The following RALGPS1 variants were observed in gnomAD, a reference collection of about 807,000 sequenced individuals.
RALGPS1 encodes Ral GEF with PH domain and SH3 binding motif 1.
RALGPS1 carries 19 observed loss-of-function variants against 78.8 expected under a neutral mutation model. That is an observed-to-expected ratio of 0.24 (90% CI 0.17 to 0.35). RALGPS1 has a LOEUF of 0.35. RALGPS1 is among the 10% of genes least tolerant of loss of function. The probability of loss-of-function intolerance (pLI) is 1.00; values close to 1 mark genes in which losing one functional copy is unlikely to be tolerated. For missense variants in RALGPS1, 454 were observed against 688.3 expected (o/e 0.66, Z 3.81); for synonymous variants, 228 against 256.3 (o/e 0.89, Z 1.06).
At chr9:126,931,161 C>T (rs2035754208) in intron 1 of RALGPS1, among the ~76,000 whole-genome samples, 1 of 152,166 alleles carries the variant, frequency 6.6e-6, no homozygotes, top group Non-Finnish European at 1.5e-5. Flanking sequence ...CCTTTGAGGG[C>T]TACTGTCCAG....
intron 4 of RALGPS1, among the ~76,000 whole-genome samples, chr9:127,006,022 A>G (rs946402709): frequency 2.0e-5 from 3 of 152,212 alleles, no homozygotes; most frequent in Non-Finnish European, 4.4e-5. Flanking sequence ...TCTTCATGCT[A>G]AAAACACTCA....
At chr9:126,976,331 A>T (rs1426325367) in intron 3 of RALGPS1, among the ~76,000 whole-genome samples, 6 of 149,682 alleles carry the variant, frequency 4.0e-5, no homozygotes, top group South Asian at 2.1e-4. Context: ...ACACACACAC[A>T]CTTTCATATA....
intron 8 of RALGPS1, among the ~76,000 whole-genome samples, chr9:127,125,112 C>G (rs1461176411): frequency 6.6e-6 from 1 of 152,168 alleles, no homozygotes; most frequent in African/African-American, 2.4e-5. Context: ...CTTTCCTCAT[C>G]TGTAAAATGG....
At chr9:127,086,407 G>A (rs1469576365) in intron 8 of RALGPS1, among the ~76,000 whole-genome samples, 1 of 151,884 alleles carries the variant, frequency 6.6e-6, no homozygotes, top group Non-Finnish European at 1.5e-5. Context: ...TTTCATCTCT[G>A]CCAATCTGAC....
chr9:126,951,994 A>T (rs896334944), intron 1 of RALGPS1, among the ~76,000 whole-genome samples: 1 of 152,282 alleles, frequency 6.6e-6, no homozygotes, highest in African/African-American at 2.4e-5. Context: ...AAATCTGTGT[A>T]CAAAAATCAC....
At chr9:127,006,358 G>T (rs2043841359) in intron 4 of RALGPS1, among the ~76,000 whole-genome samples, 1 of 152,168 alleles carries the variant, frequency 6.6e-6, no homozygotes, top group African/African-American at 2.4e-5. Context: ...CTTGGAGAAT[G>T]GTGGCGTTCT....
At chr9:127,048,826 A>C (rs540910129) in intron 5 of RALGPS1, among the ~76,000 whole-genome samples, 1 of 152,338 alleles carries the variant, frequency 6.6e-6, no homozygotes, top group South Asian at 2.1e-4. Flanking sequence ...ATTGTGGGCA[A>C]TTCCTTGGAA....
chr9:127,162,785 C>T (rs1051472700), intron 8 of RALGPS1, among the ~76,000 whole-genome samples: 5 of 152,196 alleles, frequency 3.3e-5, no homozygotes, highest in African/African-American at 1.2e-4. Flanking sequence ...GGCACCTGTT[C>T]TCACAGGGCA....
intron 7 of RALGPS1, among the ~76,000 whole-genome samples, chr9:127,066,806 A>G (rs1417954443): frequency 6.6e-6 from 1 of 152,020 alleles, no homozygotes; most frequent in Non-Finnish European, 1.5e-5. Flanking sequence ...CCCATAATTC[A>G]TTTATAATAA....
intron 1 of RALGPS1, among the ~76,000 whole-genome samples, chr9:126,932,116 A>G (rs1248237795): frequency 2.0e-5 from 3 of 152,094 alleles, no homozygotes; most frequent in African/African-American, 7.2e-5. Context: ...GCCTCTTCCA[A>G]CTCACATTGG....
chr9:127,013,045 C>G (rs1261125204), intron 4 of RALGPS1, among the ~76,000 whole-genome samples: 4 of 152,166 alleles, frequency 2.6e-5, no homozygotes, highest in Non-Finnish European at 5.9e-5. Flanking sequence ...ACAAAGCATC[C>G]TGGTGGAGCT....
intron 1 of RALGPS1, among the ~76,000 whole-genome samples, chr9:126,940,692 G>A (rs2131418443): frequency 6.6e-6 from 1 of 152,014 alleles, no homozygotes; most frequent in East Asian, 1.9e-4. Context: ...CCGTCGAACA[G>A]GTATATTCTT....
At chr9:127,009,453 C>T (rs544924597) in intron 4 of RALGPS1, among the ~76,000 whole-genome samples, 2 of 152,338 alleles carry the variant, frequency 1.3e-5, no homozygotes, top group East Asian at 1.9e-4. Flanking sequence ...AACAGGGCCA[C>T]ATTTCCTTGA....
At chr9:126,972,082 A>G (rs932298102) in intron 3 of RALGPS1, among the ~76,000 whole-genome samples, 1 of 152,190 alleles carries the variant, frequency 6.6e-6, no homozygotes, top group Admixed American at 6.5e-5. Context: ...AAGCCTGGGA[A>G]AGGACATGTT....
chr9:127,083,977 C>T (rs1297678876), intron 8 of RALGPS1, among the ~76,000 whole-genome samples: 1 of 152,066 alleles, frequency 6.6e-6, no homozygotes, highest in Non-Finnish European at 1.5e-5. Flanking sequence ...GTGGCATGAT[C>T]TTGGCTCACT....
chr9:127,092,632 G>A (rs772641841), intron 8 of RALGPS1, among the ~76,000 whole-genome samples: 7 of 152,158 alleles, frequency 4.6e-5, no homozygotes, highest in African/African-American at 7.2e-5. Context: ...GAAGAACTAA[G>A]TGCTATCATT....
chr9:127,013,803 G>C lies in RALGPS1; in HGVS notation c.217-20628G>C, dbSNP rs75991431. ...CTTCTGGCCTCCCGACTCACTCTCT[G>C]ATTCACCTCCTCTGGCCTTCCCACA... On this transcript the variant is annotated intron_variant, in intron 4 of 18. Coordinates refer to ENST00000259351, the MANE Select transcript of RALGPS1 (RefSeq NM_014636.3). 4.6e-3 allele frequency among the ~76,000 whole-genome samples: 703 copies of C among 152,176 alleles called. 3 individuals carry two copies. Among genetic ancestry groups the C allele is most frequent in the African/African-American group, 0.016 (672 of 41,502 alleles).
intron 8 of RALGPS1, among the ~76,000 whole-genome samples, chr9:127,089,980 A>C (rs562824963): frequency 6.6e-6 from 1 of 152,340 alleles, no homozygotes; most frequent in African/African-American, 2.4e-5. Flanking sequence ...AGGGCCCAAC[A>C]GAGCAGGTGG....
At chr9:127,105,247 A>G (rs1339744524) in intron 8 of RALGPS1, among the ~76,000 whole-genome samples, 1 of 152,226 alleles carries the variant, frequency 6.6e-6, no homozygotes, top group Non-Finnish European at 1.5e-5. Flanking sequence ...AATGCATTCC[A>G]GTTATCTCTG....
Sources: gnomAD v4.1 joint callset for allele counts (sites outside exome capture counted in the v4.1 genomes callset) on GRCh38, gnomAD v4.1.1 for gene constraint, MANE v1.5 for transcripts, NCBI Gene and HGNC (gene_info 2026-07-23, HGNC 2026-07-21) for gene names.